The following LAMB2 variants were observed in gnomAD, a reference collection of about 807,000 sequenced individuals.
LAMB2 encodes the protein laminin subunit beta 2, also known as laminin subunit beta-2.
In LAMB2, 119 loss-of-function variants were observed where a neutral mutation model predicts 202.7. The observed-to-expected ratio is 0.59, with a 90% CI of 0.51 to 0.68. LAMB2 has a LOEUF of 0.68. Among genes scored for constraint, LAMB2 ranks in the 30% least tolerant of loss-of-function variants. LAMB2 has a pLI of 0.00. For missense variants in LAMB2, 2,124 were observed against 2,410.6 expected, an observed-to-expected ratio of 0.88 and a Z score of 2.49; for synonymous variants, 818 against 902.2, an observed-to-expected ratio of 0.91 and a Z score of 1.67.
rs969481454 is a variant in LAMB2 at position 49,129,644 on chromosome 3, CA to C, written c.1477del (p.Cys493AlafsTer4). 100 of 1,614,048 alleles carry C rather than the reference CA, an allele frequency of 6.2e-5. No individual in the cohort carries two copies. Among genetic ancestry groups the C allele is most frequent in the Non-Finnish European group, 7.8e-5 (92 of 1,179,996 alleles). The stretch of plus-strand genomic sequence containing the variant: ...TCCACGTCCAGTCACTAGACGTTTG[CA>C]GTAACAGGATCCACTGTTGGGGTCA... ...PCDPNSGSCY[C>X]KRLVTGRGCD... On this transcript the variant is annotated frameshift_variant, in exon 11 of 32. Transcript: ENST00000305544. LOFTEE classifies it high-confidence loss of function. This position sits in a 1 kb window ranked among gnomAD's most constrained non-coding sequence, Gnocchi z 6.1.
Position 49,123,193 on chromosome 3 carries a change from C to T in LAMB2, c.4163G>A (p.Arg1388Gln), listed in dbSNP as rs146522641. The T allele has an allele frequency of 2.5e-3, 4,086 of 1,613,876 alleles. 14 individuals carry two copies. Among genetic ancestry groups the T allele is most frequent in the Non-Finnish European group, 2.9e-3 (3,457 of 1,180,028 alleles). The change falls in exon 26 of 32, where the codon CGG (arginine) becomes CAG (glutamine). Residue 1388 changes from arginine to glutamine, a missense_variant. Arg to Gln is a conservative substitution (Grantham distance 43). This residue lies in a region of LAMB2 where 1,702 missense variants were observed against 1,896.3 expected (regional missense o/e 0.90). Coordinates refer to ENST00000305544, the MANE Select transcript of LAMB2 (RefSeq NM_002292.4). ...DFNSKHMANQ[R>Q]ALGKLSAHTH... ...ATGGGCAGAGAGCTTGCCAAGTGCC[C>T]GCTGGTTGGCCATGTGTTTGCTGTT...
intron 15 of LAMB2, 91 bp from the exon 16 acceptor site, chr3:49,126,588 C>T: frequency 6.4e-7 from 1 of 1,555,232 alleles, no homozygotes; most frequent in East Asian, 2.3e-5. Flanking sequence ...AGCAACCAGG[C>T]CATTGGCCAA....
Position 49,122,811 on chromosome 3 carries a change from T to C in LAMB2, c.4466A>G (p.Gln1489Arg), listed in dbSNP as rs751687424. The C allele has an allele frequency of 1.4e-5, 23 of 1,613,628 alleles. No individual in the cohort carries two copies. The highest frequency in any genetic ancestry group is 1.9e-5 in the Non-Finnish European group (23 of 1,180,016). Reference sequence around the variant, plus strand: ...CTTGTCCAGGGCTGCCTGGGCCCGCTGCTGTGCCTCGCTTGCCTGCCGACG... The same window carrying C: ...CTTGTCCAGGGCTGCCTGGGCCCGCCGCTGTGCCTCGCTTGCCTGCCGACG... ...ETRRQASEAQQRAQAALDKAN... is the reference protein window; with the variant it reads ...ETRRQASEAQRRAQAALDKAN... The change falls in exon 27 of 32, where the codon CAG (glutamine) becomes CGG (arginine). Residue 1489 changes from glutamine to arginine, a missense_variant. This residue lies in a region of LAMB2 where 1,702 missense variants were observed against 1,896.3 expected (regional missense o/e 0.90). Coordinates refer to ENST00000305544, the MANE Select transcript of LAMB2 (RefSeq NM_002292.4).
chr3:49,121,596 C>T lies in LAMB2; in HGVS notation c.5101-4G>A, dbSNP rs2045251857. The T allele has an allele frequency of 6.2e-7, 1 of 1,614,006 alleles. No homozygotes were observed. The highest frequency in any genetic ancestry group is 8.5e-7 in the Non-Finnish European group (1 of 1,180,038). On this transcript the variant is annotated splice_polypyrimidine_tract_variant and splice_region_variant and intron_variant, in intron 30 of 31. Transcript: ENST00000305544. ...CACCCAGAGGACCGCGTAGCAGCTG[C>T]AGATGTAGAGGGTTAGGTTAGCGTG...
chr3:49,128,457 C>T lies in LAMB2; in HGVS notation c.2018+1G>A, dbSNP rs758397243. The T allele has an allele frequency of 1.9e-6, 3 of 1,613,734 alleles. No individual in the cohort carries two copies. Among genetic ancestry groups the T allele is most frequent in the Non-Finnish European group, 2.5e-6 (3 of 1,179,906 alleles). ...GTGAGTGCTACCACCAGTGCCCTCA[C>T]CTGGCATGTGGTTGCAGAGTCCCTT... On this transcript the variant is annotated splice_donor_variant, in intron 15 of 31. Transcript: ENST00000305544. LOFTEE classifies it high-confidence loss of function.
chr3:49,133,030 T>C lies in LAMB2; in HGVS notation c.-163A>G. ...CTGTCCAGCGGTCCCTCCGACAGCTTAGAGTCCAGCGACTTTGAGCAAAGT... is the reference window on the plus strand; with the variant it reads ...CTGTCCAGCGGTCCCTCCGACAGCTCAGAGTCCAGCGACTTTGAGCAAAGT... On this transcript the variant is annotated 5_prime_UTR_variant, in exon 1 of 32. Transcript: ENST00000305544. The C allele has an allele frequency of 1.5e-6, 1 of 647,482 alleles. No homozygotes were observed. Among genetic ancestry groups the C allele is most frequent in the Non-Finnish European group, 2.7e-6 (1 of 363,636 alleles). The allele number at this position is 647,482 out of a possible 1,614,324, so 40.1% of individuals were successfully genotyped here. A position where few individuals can be genotyped will look rare whatever the true frequency, so the allele number is the denominator to read the frequency against.
In LAMB2 at chr3:49,123,678, C is replaced by T. The variant is rs565764081; in HGVS notation, c.3798-47G>A. 99 of 1,613,762 alleles carry T rather than the reference C, an allele frequency of 6.1e-5. No homozygotes were observed. The South Asian group carries it at 1.0e-3, about 16-fold the overall frequency. ...TGTTTAGAGAGGCTTCAGCCCTGGT[C>T]CACTGGGCCTCTGCCCCATCCCACC... On this transcript the variant is annotated intron_variant, in intron 24 of 31. Coordinates refer to ENST00000305544, the MANE Select transcript of LAMB2 (RefSeq NM_002292.4).
Position 49,123,470 on chromosome 3 carries a change from A to T in LAMB2, c.3959T>A (p.Leu1320Ter). The change falls in exon 25 of 32, where the codon TTG becomes TAG. Residue 1320 changes from leucine (L) to a stop codon, truncating the protein, a stop_gained. Coordinates refer to ENST00000305544, the MANE Select transcript of LAMB2 (RefSeq NM_002292.4). LOFTEE classifies it high-confidence loss of function. ...ACCCAGGAAGTTTGAATGTTTGAGC[A>T]AGTCAAGATGCTGGTCGAGCTGCCG... ...TLRQLDQHLD[L>*]LKHSNFLGAY... is the part of the protein sequence containing the mutation. 1.9e-6 allele frequency: 3 copies of T among 1,614,150 alleles called. No individual in the cohort carries two copies. The highest frequency in any genetic ancestry group is 2.5e-6 in the Non-Finnish European group (3 of 1,180,040).
Position 49,129,294 on chromosome 3 carries a change from G to C in LAMB2, c.1549C>G (p.Leu517Val). 1 of 1,613,432 alleles carries C rather than the reference G, an allele frequency of 6.2e-7. No homozygotes were observed. Among genetic ancestry groups the C allele is most frequent in the Non-Finnish European group, 8.5e-7 (1 of 1,179,764 alleles). Residue 517 changes from leucine to valine, a missense_variant, in exon 12 of 32, where the codon CTC (leucine) becomes GTC (valine). Physicochemically the swap from Leu to Val is conservative, Grantham distance 32. Around this residue, in one of 3 missense-constraint regions of LAMB2, gnomAD observed 1,702 missense variants for 1,896.3 expected, o/e 0.90. Transcript: ENST00000305544. This position sits in a 1 kb window ranked among gnomAD's most constrained non-coding sequence, Gnocchi z 6.1. ...PGHWGLSHDL[L>V]GCRPCDCDVG... The stretch of plus-strand genomic sequence containing the variant: ...TCGCAGTCACAGGGGCGGCAGCCGA[G>C]CAGGTCGTGGCTCAGGCCCCAGTGG...
In LAMB2 at chr3:49,130,041, G is replaced by A. The variant is rs756048547; in HGVS notation, c.1226-23C>T. 1.7e-5 allele frequency: 28 copies of A among 1,612,406 alleles called. No homozygotes were observed. The highest frequency in any genetic ancestry group is 2.2e-5 in the Non-Finnish European group (26 of 1,178,970). On this transcript the variant is annotated intron_variant, in intron 9 of 31. Coordinates refer to ENST00000305544, the MANE Select transcript of LAMB2 (RefSeq NM_002292.4). This position sits in a 1 kb window ranked among gnomAD's most constrained non-coding sequence, Gnocchi z 5.0. ...AGGCTGACGGCAAAAAGAGATACAG[G>A]GTCACTCACCCTATCTCAACTAGCT...
In LAMB2 at chr3:49,130,747, G is replaced by C; in HGVS notation, c.1029C>G (p.Ala343=). ...WRPAEDGHSH[A]CRKCECHGHT... ...GGCCAAGATCTCACTCACTCCTACAGGCATGACTATGGCCGTCCTCAGCCG... is the reference window on the plus strand; with the variant it reads ...GGCCAAGATCTCACTCACTCCTACACGCATGACTATGGCCGTCCTCAGCCG... Residue 343 remains alanine (A), a synonymous_variant, in exon 8 of 32, where the codon GCC becomes GCG. Transcript: ENST00000305544. The surrounding 1 kb of genome is among the most constrained non-coding windows in gnomAD (Gnocchi z 5.0). The C allele has an allele frequency of 6.2e-7, 1 of 1,613,990 alleles. No individual in the cohort carries two copies. The highest frequency in any genetic ancestry group is 8.5e-7 in the Non-Finnish European group (1 of 1,180,014).
In LAMB2 at chr3:49,132,769, C is replaced by T. The variant is rs1269846894; in HGVS notation, c.76+23G>A. Reference sequence around the variant, plus strand: ...ACCTACCATCACATTCCACAACCCCCAGCCCCCACCAGGCCCTCTCACCGC... The same window carrying T: ...ACCTACCATCACATTCCACAACCCCTAGCCCCCACCAGGCCCTCTCACCGC... On this transcript the variant is annotated intron_variant, in intron 1 of 31. Transcript: ENST00000305544. This position sits in a 1 kb window ranked among gnomAD's most constrained non-coding sequence, Gnocchi z 4.6. The T allele has an allele frequency of 6.2e-7, 1 of 1,614,082 alleles. No homozygotes were observed. The highest frequency in any genetic ancestry group is 1.7e-5 in the Admixed American group (1 of 60,024).
rs752188860 is a variant in LAMB2 at position 49,126,027 on chromosome 3, A to G, written c.2284T>C (p.Ser762Pro). ...EGLVPSKTSP[S>P]EACAPLLISL... ...ATGAGGAGGGGTGCGCAGGCCTCAGAGGGAGAAGTCTTGCTGGGCACCAGA... is the reference window on the plus strand; with the variant it reads ...ATGAGGAGGGGTGCGCAGGCCTCAGGGGGAGAAGTCTTGCTGGGCACCAGA... The change falls in exon 17 of 32, where the codon TCT becomes CCT. Residue 762 changes from serine to proline, a missense_variant. Around this residue, in one of 3 missense-constraint regions of LAMB2, gnomAD observed 1,702 missense variants for 1,896.3 expected, o/e 0.90. Coordinates refer to ENST00000305544, the MANE Select transcript of LAMB2 (RefSeq NM_002292.4). The G allele has an allele frequency of 6.8e-6, 11 of 1,614,066 alleles. No individual in the cohort carries two copies. The highest frequency in any genetic ancestry group is 2.2e-5 in the South Asian group (2 of 91,090).
chr3:49,131,122 T>A lies in LAMB2; in HGVS notation c.743A>T (p.Asn248Ile), dbSNP rs1275119286. 3 of 1,613,644 alleles carry A rather than the reference T, an allele frequency of 1.9e-6. No homozygotes were observed. The highest frequency in any genetic ancestry group is 1.7e-6 in the Non-Finnish European group (2 of 1,179,998). Residue 248 changes from asparagine (N) to isoleucine (I), a missense_variant, in exon 7 of 32, where the codon AAC becomes ATC. Around this residue, in one of 3 missense-constraint regions of LAMB2, gnomAD observed 256 missense variants for 356.1 expected, o/e 0.72. Coordinates refer to ENST00000305544, the MANE Select transcript of LAMB2 (RefSeq NM_002292.4). This position sits in a 1 kb window ranked among gnomAD's most constrained non-coding sequence, Gnocchi z 5.0. ...TCCCAACGTGTGTAGACGAGTCAGG[T>A]TCACCCGTAGGTTGGTGATCTTCAA... ...NLLKITNLRV[N>I]LTRLHTLGDN...
rs768820889 is a variant in LAMB2 at position 49,128,833 on chromosome 3, C to G, written c.1732-14G>C. 2.7e-5 allele frequency: 43 copies of G among 1,610,360 alleles called. No individual in the cohort carries two copies. Among genetic ancestry groups the G allele is most frequent in the Non-Finnish European group, 3.7e-5 (43 of 1,177,608 alleles). On this transcript the variant is annotated splice_polypyrimidine_tract_variant and intron_variant, in intron 13 of 31. Coordinates refer to ENST00000305544, the MANE Select transcript of LAMB2 (RefSeq NM_002292.4). ...CACATCGAGCACCTGGGAGATAATG[C>G]AGCCAGGGATGGAGGCTCAGGTGAG...
In LAMB2 at chr3:49,128,485, A is replaced by C; in HGVS notation, c.1991T>G (p.Ile664Ser). ...CGHLVPKDDRIQGTLQPHARY... is the reference protein window; with the variant it reads ...CGHLVPKDDRSQGTLQPHARY... Reference sequence around the variant, plus strand: ...GGCATGTGGTTGCAGAGTCCCTTGGATGCGATCATCCTTGGGCACCAAATG... The same window carrying C: ...GGCATGTGGTTGCAGAGTCCCTTGGCTGCGATCATCCTTGGGCACCAAATG... The change falls in exon 15 of 32, where the codon ATC (isoleucine) becomes AGC (serine). Residue 664 changes from isoleucine (I) to serine (S), a missense_variant. By Grantham distance (142) the Ile-to-Ser change is moderately radical (BLOSUM62 -2). This residue lies in a region of LAMB2 where 1,702 missense variants were observed against 1,896.3 expected (regional missense o/e 0.90). Coordinates refer to ENST00000305544, the MANE Select transcript of LAMB2 (RefSeq NM_002292.4). The C allele has an allele frequency of 6.2e-7, 1 of 1,614,098 alleles. No individual in the cohort carries two copies. Among genetic ancestry groups the C allele is most frequent in the East Asian group, 2.2e-5 (1 of 44,882 alleles).
Position 49,132,725 on chromosome 3 carries a change from C to T in LAMB2, c.77-62G>A. On this transcript the variant is annotated intron_variant, in intron 1 of 31. Coordinates refer to ENST00000305544, the MANE Select transcript of LAMB2 (RefSeq NM_002292.4). The surrounding 1 kb of genome is among the most constrained non-coding windows in gnomAD (Gnocchi z 4.6). ...TATCCAGTGGCTCCACCTCATGTGCCCCAAGGGCAACTACCAGGACCTACC... is the reference window on the plus strand; with the variant it reads ...TATCCAGTGGCTCCACCTCATGTGCTCCAAGGGCAACTACCAGGACCTACC... 6.2e-7 allele frequency: 1 copy of T among 1,613,768 alleles called. No individual in the cohort carries two copies. The highest frequency in any genetic ancestry group is 1.7e-5 in the Admixed American group (1 of 60,008).
At position 49,131,319 on chromosome 3, in the gene LAMB2, G is replaced by A; in HGVS notation, c.712+60C>T. The A allele has an allele frequency of 6.3e-7, 1 of 1,575,250 alleles. No homozygotes were observed. The highest frequency in any genetic ancestry group is 8.7e-7 in the Non-Finnish European group (1 of 1,146,990). On this transcript the variant is annotated intron_variant, in intron 6 of 31. Transcript: ENST00000305544. The surrounding 1 kb of genome is among the most constrained non-coding windows in gnomAD (Gnocchi z 5.0). ...GGAAGCACCCAAAATAGTTACTGAG[G>A]CCCCAAATAGTCCCTAGCCGGACAC...
At position 49,130,793 on chromosome 3, in the gene LAMB2, T is replaced by A. The variant is rs760364637; in HGVS notation, c.983A>T (p.Tyr328Phe). 2.5e-5 allele frequency: 40 copies of A among 1,614,048 alleles called. No individual in the cohort carries two copies. The highest frequency in any genetic ancestry group is 5.0e-5 in the Admixed American group (3 of 60,012). Residue 328 changes from tyrosine to phenylalanine, a missense_variant, in exon 8 of 32, where the codon TAT (tyrosine) becomes TTT (phenylalanine). This residue lies in a region of LAMB2 where 256 missense variants were observed against 356.1 expected (regional missense o/e 0.72). Coordinates refer to ENST00000305544, the MANE Select transcript of LAMB2 (RefSeq NM_002292.4). This position sits in a 1 kb window ranked among gnomAD's most constrained non-coding sequence, Gnocchi z 5.0. ...GLNCEQCQDF[Y>F]RDLPWRPAED... ...AGCCGGACGCCAGGGCAGGTCACGA[T>A]AGAAATCCTGACACTGCTCGCAGTT... is the stretch of plus-strand genomic sequence containing the variant.
Sources: allele counts gnomAD v4.1 joint callset, GRCh38; gene constraint gnomAD v4.1.1; regional missense constraint gnomAD v4.1.1; non-coding constraint Gnocchi (gnomAD v3.1); transcripts MANE v1.5; gene names NCBI Gene and HGNC (gene_info 2026-07-23, HGNC 2026-07-21).